The following PACSIN1 variants were observed in gnomAD, a reference collection of about 807,000 sequenced individuals.
The protein encoded by PACSIN1 is protein kinase C and casein kinase substrate in neurons 1.
Under a neutral mutation model 59.5 loss-of-function variants are expected in PACSIN1, and 15 were observed. The ratio of observed to expected loss-of-function variants is 0.25; its 90% confidence interval spans 0.17 to 0.39. PACSIN1 has a LOEUF of 0.39. PACSIN1 is among the 10% of genes least tolerant of loss of function. The pLI, the probability that PACSIN1 is intolerant of heterozygous loss-of-function variation, is 1.00. For synonymous variants in PACSIN1, 210 were observed against 220.6 expected (o/e 0.95, Z 0.42); for missense variants, 420 against 580.2 (o/e 0.72, Z 2.84).
chr6:34,505,658 TCTCA>T (rs1767101679), intron 1 of PACSIN1, among the ~76,000 whole-genome samples: 1 of 131,738 alleles, frequency 7.6e-6, no homozygotes, highest in South Asian at 2.4e-4. Flanking sequence ...TGAGATGGAG[TCTCA>T]CTCTCTCACC....
Position 34,471,239 on chromosome 6 carries a change from C to T in PACSIN1, c.-64+4969C>T, listed in dbSNP as rs139784342. The stretch of plus-strand genomic sequence containing the variant: ...CTGGGATTACAGGCATGAGCCACCG[C>T]GCCTGGCCCTGAATTTTTATTGACT... On this transcript the variant is annotated intron_variant, in intron 1 of 9. Coordinates refer to ENST00000244458, the MANE Select transcript of PACSIN1 (RefSeq NM_020804.5). Among the ~76,000 whole-genome samples, 327 of 152,276 alleles carry T rather than the reference C, an allele frequency of 2.1e-3. 1 individual carries two copies. Among genetic ancestry groups the T allele is most frequent in the African/African-American group, 7.3e-3 (305 of 41,548 alleles).
intron 1 of PACSIN1, among the ~76,000 whole-genome samples, chr6:34,491,197 C>G (rs113092635): frequency 6.6e-6 from 1 of 152,158 alleles, no homozygotes; most frequent in Non-Finnish European, 1.5e-5. Flanking sequence ...GCTAAAGAGG[C>G]CCTTGGCTTT....
At chr6:34,466,522 G>A (rs1209491635) in intron 1 of PACSIN1, among the ~76,000 whole-genome samples, 1 of 152,174 alleles carries the variant, frequency 6.6e-6, no homozygotes, top group Non-Finnish European at 1.5e-5. Context: ...AGCTGGCATC[G>A]GAGGCCCTTA....
chr6:34,482,692 T>G (rs199922997), intron 1 of PACSIN1, among the ~76,000 whole-genome samples: 2 of 151,720 alleles, frequency 1.3e-5, no homozygotes, highest in African/African-American at 4.8e-5. Context: ...TTGTTTTTTT[T>G]TTTTTGAGAC....
chr6:34,504,797 T>A (rs544626901), intron 1 of PACSIN1, among the ~76,000 whole-genome samples: 30 of 152,286 alleles, frequency 2.0e-4, no homozygotes, highest in African/African-American at 7.2e-4. Flanking sequence ...TAATAAAAAA[T>A]TCTTAGTTTC....
intron 1 of PACSIN1, among the ~76,000 whole-genome samples, chr6:34,486,600 C>T (rs774879674): frequency 1.1e-4 from 17 of 152,090 alleles, no homozygotes; most frequent in Non-Finnish European, 2.2e-4. Flanking sequence ...ACGTTGCCAT[C>T]GCTGGTCCTC....
chr6:34,499,241 C>T (rs1276006684), intron 1 of PACSIN1, among the ~76,000 whole-genome samples: 6 of 151,470 alleles, frequency 4.0e-5, no homozygotes, highest in African/African-American at 7.3e-5. Context: ...GTAGGATTTG[C>T]GCTCCCATCA....
intron 1 of PACSIN1, among the ~76,000 whole-genome samples, chr6:34,509,016 T>C (rs946699097): frequency 2.6e-5 from 4 of 152,236 alleles, no homozygotes; most frequent in African/African-American, 9.6e-5. Context: ...TTTAGTTTGA[T>C]ATGTAGTCCC....
chr6:34,533,224 G>A lies in PACSIN1; in HGVS notation c.*694G>A, dbSNP rs1280048188. ...TGAATGAAGGGCATGCAGGCCCTCA[G>A]CCCGGGCTGTGCCAGCCCTCCCAGC... On this transcript the variant is annotated 3_prime_UTR_variant, in exon 10 of 10. Coordinates refer to ENST00000244458, the MANE Select transcript of PACSIN1 (RefSeq NM_020804.5). 6.6e-6 allele frequency: 1 copy of A among 152,306 alleles called. No individual in the cohort carries two copies. The highest frequency in any genetic ancestry group is 1.5e-5 in the Non-Finnish European group (1 of 68,122). 9.4% of individuals were successfully genotyped at this position (152,306 alleles called of 1,614,324 possible).
Position 34,529,410 on chromosome 6 carries a change from A to G in PACSIN1, c.470A>G (p.Lys157Arg). 6.2e-7 allele frequency: 1 copy of G among 1,614,188 alleles called. No homozygotes were observed. Among genetic ancestry groups the G allele is most frequent in the Non-Finnish European group, 8.5e-7 (1 of 1,180,032 alleles). ...AKKMKELEAAKKAYHLACKEE... is the reference protein window; with the variant it reads ...AKKMKELEAARKAYHLACKEE... Reference sequence around the variant, plus strand: ...CCCTCCCCACAGCTGGAGGCAGCCAAGAAGGCCTACCATTTGGCTTGCAAA... The same window carrying G: ...CCCTCCCCACAGCTGGAGGCAGCCAGGAAGGCCTACCATTTGGCTTGCAAA... Residue 157 changes from lysine to arginine, a missense_variant, in exon 5 of 10, where the codon AAG becomes AGG. Lys to Arg is a conservative substitution (Grantham distance 26). Coordinates refer to ENST00000244458, the MANE Select transcript of PACSIN1 (RefSeq NM_020804.5). The surrounding 1 kb of genome is among the most constrained non-coding windows in gnomAD (Gnocchi z 6.3).
At chr6:34,475,318 T>A (rs1208875590) in intron 1 of PACSIN1, among the ~76,000 whole-genome samples, 1 of 151,998 alleles carries the variant, frequency 6.6e-6, no homozygotes, top group Admixed American at 6.6e-5. Flanking sequence ...AAAAAAAAAT[T>A]AAAAAAACAC....
At chr6:34,470,926 G>C (rs531428144) in intron 1 of PACSIN1, among the ~76,000 whole-genome samples, 17 of 152,084 alleles carry the variant, frequency 1.1e-4, no homozygotes, top group Non-Finnish European at 1.8e-4. Context: ...TTAACTAGGT[G>C]TCCTGAATTT....
At chr6:34,492,391 A>ATT (rs151103055) in intron 1 of PACSIN1, among the ~76,000 whole-genome samples, 3 of 137,752 alleles carry the variant, frequency 2.2e-5, no homozygotes, top group African/African-American at 5.4e-5. Context: ...ATTTATTTTT[A>ATT]TTTTTTTTTG....
At position 34,532,196 on chromosome 6, in the gene PACSIN1, G is replaced by A. The variant is rs1767609714; in HGVS notation, c.1226-225G>A. Among the ~76,000 whole-genome samples the A allele has an allele frequency of 1.3e-5, 2 of 152,042 alleles. No homozygotes were observed. ...GAGGTCTGGTTTTGGGGACGGACCC[G>A]ACACCCAGATTAGGTGAATGGCTGA... On this transcript the variant is annotated intron_variant, in intron 9 of 9. Transcript: ENST00000244458. This position sits in a 1 kb window ranked among gnomAD's most constrained non-coding sequence, Gnocchi z 5.2.
chr6:34,494,993 T>C (rs531105071), intron 1 of PACSIN1, among the ~76,000 whole-genome samples: 1 of 152,094 alleles, frequency 6.6e-6, no homozygotes, highest in Non-Finnish European at 1.5e-5. Context: ...TTCAAGTCAT[T>C]TGGCTCAGTT....
rs187153796 is a variant in PACSIN1, at chr6:34,514,473, A to T, written c.-63-11770A>T. Among the ~76,000 whole-genome samples, 14 of 152,286 alleles carry T rather than the reference A, an allele frequency of 9.2e-5. No individual in the cohort carries two copies. The highest frequency in any genetic ancestry group is 3.4e-4 in the African/African-American group (14 of 41,568). On this transcript the variant is annotated intron_variant, in intron 1 of 9. Coordinates refer to ENST00000244458, the MANE Select transcript of PACSIN1 (RefSeq NM_020804.5). The surrounding 1 kb of genome is among the most constrained non-coding windows in gnomAD (Gnocchi z 4.4). ...CAAATGAGAGAATAAATGATTAAAC[A>T]AATAGAAATGCTTCACCCAGCAGCA... is the stretch of plus-strand genomic sequence containing the variant.
chr6:34,517,881 G>T (rs1347454497), intron 1 of PACSIN1, among the ~76,000 whole-genome samples: 1 of 152,164 alleles, frequency 6.6e-6, no homozygotes, highest in East Asian at 1.9e-4. Flanking sequence ...TTTCTGTCTT[G>T]TTCACTGCTG....
chr6:34,486,974 G>A (rs1331243156), intron 1 of PACSIN1, among the ~76,000 whole-genome samples: 5 of 148,416 alleles, frequency 3.4e-5, no homozygotes, highest in African/African-American at 1.3e-4. Flanking sequence ...TGAGACCAGC[G>A]TGGGCAACAT....
At chr6:34,500,164 C>T (rs1767003389) in intron 1 of PACSIN1, among the ~76,000 whole-genome samples, 1 of 152,140 alleles carries the variant, frequency 6.6e-6, no homozygotes, top group Non-Finnish European at 1.5e-5. Context: ...TTCAACATCT[C>T]TGATCATTAG....
Sources: gnomAD v4.1 joint callset for allele counts (sites outside exome capture counted in the v4.1 genomes callset) on GRCh38, gnomAD v4.1.1 for gene constraint, Gnocchi (gnomAD v3.1) non-coding constraint, MANE v1.5 for transcripts, NCBI Gene and HGNC (gene_info 2026-07-23, HGNC 2026-07-21) for gene names.